The following GRM8 variants were observed in gnomAD, a reference collection of about 807,000 sequenced individuals.
GRM8 encodes metabotropic glutamate receptor 8.
GRM8 carries 47 observed loss-of-function variants against 87.2 expected under a neutral mutation model. That is an observed-to-expected ratio of 0.54 (90% CI 0.43 to 0.69). The LOEUF (loss-of-function observed/expected upper bound fraction) is 0.69, where lower values mean the gene tolerates loss of function less well. GRM8 is among the 30% of genes least tolerant of loss of function. The pLI, the probability that GRM8 is intolerant of heterozygous loss-of-function variation, is 0.00. For synonymous variants in GRM8, 396 were observed against 404.5 expected (o/e 0.98, Z 0.25); for missense variants, 1,019 against 1,139.2 (o/e 0.89, Z 1.52).
At chr7:126,907,215 GA>G (rs1802784137) in intron 3 of GRM8, among the ~76,000 whole-genome samples, 1 of 149,392 alleles carries the variant, frequency 6.7e-6, no homozygotes, top group Non-Finnish European at 1.5e-5. Context: ...GGAGGAGGAA[GA>G]GATGGAGGAG....
intron 6 of GRM8, among the ~76,000 whole-genome samples, chr7:126,796,889 C>T (rs1822008737): frequency 6.6e-6 from 1 of 152,112 alleles, no homozygotes; most frequent in Admixed American, 6.6e-5. Context: ...CAGTCCTACA[C>T]TGAGCTCATC....
intron 7 of GRM8, among the ~76,000 whole-genome samples, chr7:126,764,749 T>C (rs1254646268): frequency 1.3e-5 from 2 of 152,096 alleles, no homozygotes; most frequent in Non-Finnish European, 2.9e-5. Flanking sequence ...TTCCTCTTGG[T>C]GTCAGATAAT....
intron 2 of GRM8, among the ~76,000 whole-genome samples, chr7:127,186,412 G>A (rs1557642): frequency 0.21 from 32,472 of 152,008 alleles, 3,680 homozygotes; most frequent in Middle Eastern, 0.31. Flanking sequence ...CTTCACTCTG[G>A]CGTCCCAGGA....
intron 3 of GRM8, among the ~76,000 whole-genome samples, chr7:127,005,155 T>C (rs1205238768): frequency 2.0e-5 from 3 of 150,556 alleles, no homozygotes; most frequent in Non-Finnish European, 4.5e-5. Context: ...TATTTTGAAG[T>C]ATCTGAAAGA....
At chr7:126,804,077 G>A (rs999167441) in intron 6 of GRM8, among the ~76,000 whole-genome samples, 1 of 152,160 alleles carries the variant, frequency 6.6e-6, no homozygotes, top group Non-Finnish European at 1.5e-5. Flanking sequence ...TTATCAAAGG[G>A]ATGCACTCTC....
At chr7:126,803,202 T>G (rs184926737) in intron 6 of GRM8, among the ~76,000 whole-genome samples, 271 of 152,326 alleles carry the variant, frequency 1.8e-3, no homozygotes, top group Middle Eastern at 3.4e-3. Context: ...TTAAAACACA[T>G]CCTTTACTAG....
At chr7:127,163,302 A>G (rs961958645) in intron 2 of GRM8, among the ~76,000 whole-genome samples, 1 of 152,126 alleles carries the variant, frequency 6.6e-6, no homozygotes, top group Non-Finnish European at 1.5e-5. Context: ...AGTGCAAAGG[A>G]CTTGCCAGGG....
At chr7:127,234,278 C>G (rs2116829116) in intron 2 of GRM8, among the ~76,000 whole-genome samples, 1 of 152,304 alleles carries the variant, frequency 6.6e-6, no homozygotes, top group South Asian at 2.1e-4. Flanking sequence ...AATCAGTCTG[C>G]TCTACTGTCT....
chr7:127,069,010 G>A (rs1037055760), intron 3 of GRM8, among the ~76,000 whole-genome samples: 2 of 152,130 alleles, frequency 1.3e-5, no homozygotes, highest in African/African-American at 4.8e-5. Flanking sequence ...TTTTGTGAAG[G>A]AAAAGTCTTT....
At chr7:127,098,807 A>G (rs972166683) in intron 3 of GRM8, among the ~76,000 whole-genome samples, 2 of 152,206 alleles carry the variant, frequency 1.3e-5, no homozygotes, top group Admixed American at 6.5e-5. Flanking sequence ...AATATTTGAC[A>G]GAATCAGGTC....
At chr7:126,567,256 AG>A (rs1341001051) in intron 8 of GRM8, among the ~76,000 whole-genome samples, 1 of 152,140 alleles carries the variant, frequency 6.6e-6, no homozygotes, top group Non-Finnish European at 1.5e-5. Context: ...TGTCCTTTGT[AG>A]GGACATAGAT....
At chr7:126,884,839 G>A (rs1800342729) in intron 6 of GRM8, among the ~76,000 whole-genome samples, 1 of 152,134 alleles carries the variant, frequency 6.6e-6, no homozygotes, top group African/African-American at 2.4e-5. Context: ...ATGTACAACT[G>A]TAACTGTAAT....
chr7:126,929,285 T>G (rs1805484705), intron 3 of GRM8, among the ~76,000 whole-genome samples: 1 of 152,236 alleles, frequency 6.6e-6, no homozygotes, highest in Non-Finnish European at 1.5e-5. Context: ...ATCTGTCTAG[T>G]GCTAGCCAGT....
intron 2 of GRM8, among the ~76,000 whole-genome samples, chr7:127,144,110 G>T (rs1264657995): frequency 6.6e-6 from 1 of 152,078 alleles, no homozygotes; most frequent in Non-Finnish European, 1.5e-5. Flanking sequence ...GCAGATACAG[G>T]ATTGTTTTGA....
chr7:127,152,193 T>A (rs1325481043), intron 2 of GRM8, among the ~76,000 whole-genome samples: 2 of 152,028 alleles, frequency 1.3e-5, no homozygotes, highest in Non-Finnish European at 2.9e-5. Flanking sequence ...CCCATGTGAG[T>A]TTTATCACTT....
At position 126,608,613 on chromosome 7, in the gene GRM8, A is replaced by T. The variant is rs536644363; in HGVS notation, c.1494+749T>A. Among the ~76,000 whole-genome samples the T allele has an allele frequency of 3.3e-5, 5 of 152,290 alleles. No homozygotes were observed. The South Asian group carries it at 1.0e-3, about 32-fold the overall frequency. ...TAGCAGGTAGCTCTAAAGGCTGTTA[A>T]GTAATCTGAACATCACCCTTAGATA... On this transcript the variant is annotated intron_variant, in intron 8 of 10. Coordinates refer to ENST00000339582, the MANE Select transcript of GRM8 (RefSeq NM_000845.3).
At chr7:126,472,203 G>A (rs920790919) in intron 9 of GRM8, among the ~76,000 whole-genome samples, 5 of 152,100 alleles carry the variant, frequency 3.3e-5, no homozygotes, top group Admixed American at 6.6e-5. Context: ...TAATTGCTCT[G>A]GCCAGAACTT....
At chr7:127,057,912 A>G (rs1820163133) in intron 3 of GRM8, among the ~76,000 whole-genome samples, 1 of 152,224 alleles carries the variant, frequency 6.6e-6, no homozygotes. Flanking sequence ...AGAGGTTACA[A>G]TTTCTAGAAG....
rs148760355 is a variant in GRM8 at position 126,705,502 on chromosome 7, A to G, written c.1357+64363T>C. Among the ~76,000 whole-genome samples, 67 of 152,306 alleles carry G rather than the reference A, an allele frequency of 4.4e-4. 1 individual carries two copies. Among genetic ancestry groups the G allele is most frequent in the African/African-American group, 1.4e-3 (60 of 41,578 alleles). ...TCTGAAATAATTACAGAGAGAATAT[A>G]CATAGATCTATGTGTGGACAAGCCT... On this transcript the variant is annotated intron_variant, in intron 7 of 10. Coordinates refer to ENST00000339582, the MANE Select transcript of GRM8 (RefSeq NM_000845.3).
Sources: gnomAD v4.1 joint callset for allele counts (sites outside exome capture counted in the v4.1 genomes callset) on GRCh38, gnomAD v4.1.1 for gene constraint, MANE v1.5 for transcripts, NCBI Gene and HGNC (gene_info 2026-07-23, HGNC 2026-07-21) for gene names.